The following FAM91A1 variants were observed in gnomAD, a reference collection of about 807,000 sequenced individuals.
FAM91A1 encodes the protein family with sequence similarity 91 member A1.
FAM91A1 carries 41 observed loss-of-function variants against 113.5 expected under a neutral mutation model. The observed-to-expected ratio is 0.36, with a 90% CI of 0.28 to 0.47. The LOEUF (loss-of-function observed/expected upper bound fraction) is 0.47, where lower values mean the gene tolerates loss of function less well. Ranked by LOEUF, FAM91A1 falls within the 20% of genes least tolerant of loss-of-function variation. The pLI is 1.00. For missense variants in FAM91A1, 696 were observed against 1,001.2 expected, an observed-to-expected ratio of 0.70 and a Z score of 4.11; for synonymous variants, 307 against 347.9, an observed-to-expected ratio of 0.88 and a Z score of 1.31.
intron 6 of FAM91A1, 136 bp downstream of exon 6, chr8:123,778,908 T>C (rs1294754077): frequency 1.2e-5 from 7 of 602,428 alleles, no homozygotes; most frequent in Non-Finnish European, 1.3e-5. Context: ...AAATTTAAAA[T>C]GATCTTAGTA....
intron 8 of FAM91A1, among the ~76,000 whole-genome samples, chr8:123,783,927 T>G (rs1815186417): frequency 6.6e-6 from 1 of 152,178 alleles, no homozygotes; most frequent in Admixed American, 6.5e-5. Context: ...AAAGAACGAG[T>G]TAGCCCAGTG....
intron 14 of FAM91A1, 122 bp from the exon 15 acceptor site, chr8:123,789,491 G>T: frequency 6.9e-7 from 1 of 1,439,206 alleles, no homozygotes; most frequent in Non-Finnish European, 9.4e-7. Flanking sequence ...TTTCGGTATT[G>T]CCTGGGCAAA....
chr8:123,808,463 ATTC>A (rs919004154), intron 21 of FAM91A1, 87 bp downstream of exon 21: 6 of 953,932 alleles, frequency 6.3e-6, no homozygotes, highest in Non-Finnish European at 9.1e-6. Context: ...CCATTTGTCT[ATTC>A]TTATTATTCA....
chr8:123,801,104 A>C (rs928197778), intron 18 of FAM91A1, among the ~76,000 whole-genome samples: 9 of 152,190 alleles, frequency 5.9e-5, no homozygotes, highest in African/African-American at 2.2e-4. Context: ...GAACTGCCAG[A>C]CTGTCTTGCA....
intron 18 of FAM91A1, among the ~76,000 whole-genome samples, chr8:123,804,533 C>T (rs534018653): frequency 2.3e-5 from 3 of 132,578 alleles, no homozygotes; most frequent in East Asian, 2.4e-4. Flanking sequence ...AGGTATAGGT[C>T]GAAAAGTATC....
chr8:123,785,966 C>T (rs1467083421), intron 11 of FAM91A1: 2 of 463,410 alleles, frequency 4.3e-6, no homozygotes, highest in Admixed American at 2.7e-5. Flanking sequence ...TATAGGTGTG[C>T]ACCACCATGC....
intron 15 of FAM91A1, among the ~76,000 whole-genome samples, chr8:123,794,879 A>T (rs1175684384): frequency 6.6e-6 from 1 of 152,238 alleles, no homozygotes; most frequent in Non-Finnish European, 1.5e-5. Context: ...TCATTTCAAG[A>T]TAGGTAAATC....
intron 14 of FAM91A1, chr8:123,788,205 T>C (rs1202394348): frequency 3.3e-5 from 33 of 985,240 alleles, no homozygotes; most frequent in Non-Finnish European, 3.6e-5. Context: ...TTTTAGCATC[T>C]TGAAGACTTC....
At chr8:123,786,231 G>A (rs1414228222) in intron 11 of FAM91A1, 1 of 395,658 alleles carries the variant, frequency 2.5e-6, no homozygotes, top group Non-Finnish European at 4.6e-6. Flanking sequence ...AACTAAGAAG[G>A]CTTTTCCCAG....
intron 3 of FAM91A1, among the ~76,000 whole-genome samples, chr8:123,775,868 G>C (rs1420795738): frequency 1.3e-5 from 2 of 152,144 alleles, no homozygotes; most frequent in Admixed American, 6.5e-5. Flanking sequence ...AGGAGGCTGA[G>C]GGGGGAGAAT....
At chr8:123,788,570 A>G (rs536462169) in intron 14 of FAM91A1, among the ~76,000 whole-genome samples, 129 of 151,890 alleles carry the variant, frequency 8.5e-4, no homozygotes, top group Non-Finnish European at 1.5e-3. Context: ...ATCCTTTGCT[A>G]TTAATTGGTC....
At chr8:123,808,145 A>C (rs969497220) in intron 20 of FAM91A1, 127 bp from the exon 21 acceptor site, 8 of 718,336 alleles carry the variant, frequency 1.1e-5, no homozygotes, top group Non-Finnish European at 1.8e-5. Flanking sequence ...ATTTAAGCCA[A>C]GGATTATGCA....
Position 123,779,979 on chromosome 8 carries a change from T to G in FAM91A1, c.550-6T>G. 6.2e-7 allele frequency: 1 copy of G among 1,609,926 alleles called. No homozygotes were observed. The highest frequency in any genetic ancestry group is 8.5e-7 in the Non-Finnish European group (1 of 1,178,408). On this transcript the variant is annotated splice_polypyrimidine_tract_variant and splice_region_variant and intron_variant, in intron 6 of 23. Coordinates refer to ENST00000334705, the MANE Select transcript of FAM91A1 (RefSeq NM_144963.4). Reference sequence around the variant, plus strand: ...AACTTAATTAAAAATATTTTGCTTTTCTTAGATATGCACTTTGCCTGAGAA... The same window carrying G: ...AACTTAATTAAAAATATTTTGCTTTGCTTAGATATGCACTTTGCCTGAGAA...
chr8:123,775,338 G>A (rs1814956318), intron 3 of FAM91A1, 40 bp downstream of exon 3: 1 of 1,594,286 alleles, frequency 6.3e-7, no homozygotes, highest in Non-Finnish European at 8.6e-7. Context: ...GAATGGGATG[G>A]GACTACATGT....
At chr8:123,773,271 T>C (rs890594628) in intron 1 of FAM91A1, among the ~76,000 whole-genome samples, 4 of 152,246 alleles carry the variant, frequency 2.6e-5, no homozygotes, top group Non-Finnish European at 5.9e-5. Flanking sequence ...AGAAATACGA[T>C]GAACTAAATC....
chr8:123,815,109 C>A lies in FAM91A1; in HGVS notation c.*2405C>A, dbSNP rs773263347. ...CCTCTAAAATGGATTTGAAGAAATG[C>A]AACTTTATATCAAAAAATGTCATCT... On this transcript the variant is annotated 3_prime_UTR_variant, in exon 24 of 24. Transcript: ENST00000334705. The A allele has an allele frequency of 1.6e-4, 24 of 152,370 alleles. No homozygotes were observed. The highest frequency in any genetic ancestry group is 2.6e-4 in the Non-Finnish European group (18 of 67,966). The allele number at this position is 152,370 out of a possible 1,614,324, so 9.4% of individuals were successfully genotyped here. A position where few individuals can be genotyped will look rare whatever the true frequency, so the allele number is the denominator to read the frequency against.
chr8:123,770,505 T>C (rs560392980), intron 1 of FAM91A1, among the ~76,000 whole-genome samples: 3 of 152,346 alleles, frequency 2.0e-5, no homozygotes, highest in African/African-American at 7.2e-5. Context: ...CTTTTGTTAA[T>C]CTTGAATAAA....
chr8:123,771,629 A>G (rs1418525491), intron 1 of FAM91A1, among the ~76,000 whole-genome samples: 2 of 152,202 alleles, frequency 1.3e-5, no homozygotes, highest in African/African-American at 2.4e-5. Context: ...GTTTACCACT[A>G]TCTTGTATTC....
At chr8:123,780,414 A>C in intron 7 of FAM91A1, 66 bp from the exon 8 acceptor site, 1 of 1,192,604 alleles carries the variant, frequency 8.4e-7, no homozygotes. Flanking sequence ...GCCAGGAATT[A>C]GTTTTTTTAA....
Sources: allele counts gnomAD v4.1 joint callset (sites outside exome capture counted in the v4.1 genomes callset), GRCh38; gene constraint gnomAD v4.1.1; transcripts MANE v1.5; gene names NCBI Gene and HGNC (gene_info 2026-07-23, HGNC 2026-07-21).